The following UNC80 variants were observed in gnomAD, a reference collection of about 807,000 sequenced individuals.
UNC80 encodes the protein unc-80 subunit of NALCN channel complex.
Under a neutral mutation model 384.6 loss-of-function variants are expected in UNC80, and 164 were observed. The ratio of observed to expected loss-of-function variants is 0.43; its 90% CI spans 0.38 to 0.49. The LOEUF (loss-of-function observed/expected upper bound fraction) is 0.49. Among genes scored for constraint, UNC80 ranks in the 20% least tolerant of loss-of-function variants. UNC80 has a pLI of 0.00. For synonymous variants in UNC80, 1,486 were observed against 1,527.8 expected, an observed-to-expected ratio of 0.97 and a Z score of 0.64; for missense variants, 3,330 against 4,143.0, an observed-to-expected ratio of 0.80 and a Z score of 5.39.
intron 22 of UNC80, among the ~76,000 whole-genome samples, chr2:209,866,006 T>A (rs1262856310): frequency 6.6e-6 from 1 of 152,210 alleles, no homozygotes; most frequent in Non-Finnish European, 1.5e-5. Context: ...CCCACTGTAG[T>A]CACTTTGAAT....
Sources: gnomAD v4.1 joint callset for allele counts (sites outside exome capture counted in the v4.1 genomes callset) on GRCh38, gnomAD v4.1.1 for gene constraint, MANE v1.5 for transcripts, NCBI Gene and HGNC (gene_info 2026-07-23, HGNC 2026-07-21) for gene names.